Variants in TAFA5 observed in about 807,000 individuals in gnomAD.
The protein encoded by TAFA5 is TAFA chemokine like family member 5, also known as chemokine-like protein TAFA-5.
Under a neutral mutation model 15.3 loss-of-function variants are expected in TAFA5, and 6 were observed. That is an observed-to-expected ratio of 0.39 (90% CI 0.21 to 0.77). TAFA5 has a LOEUF of 0.77. Ranked by LOEUF, TAFA5 falls within the 30% of genes least tolerant of loss-of-function variation. The pLI, the probability that TAFA5 is intolerant of heterozygous loss-of-function variation, is 0.41. For synonymous variants in TAFA5, 103 were observed against 80.7 expected (o/e 1.28, Z -1.48); for missense variants, 161 against 193.1 (o/e 0.83, Z 0.98).
rs142646897 is a variant in TAFA5 at position 48,569,240 on chromosome 22, G to A, written c.113-77357G>A. Among the ~76,000 whole-genome samples, 17 of 152,344 alleles carry A rather than the reference G, an allele frequency of 1.1e-4. No homozygotes were observed. The East Asian group carries it at 2.9e-3, about 26-fold the overall frequency. ...GGGAGGACGATGGATGCAGGGCCAC[G>A]GGCCGTGGATACTCAGACTAAAGCT... On this transcript the variant is annotated intron_variant, in intron 1 of 3. Transcript: ENST00000402357.
chr22:48,684,905 A>G (rs1928307013), intron 2 of TAFA5, among the ~76,000 whole-genome samples: 1 of 152,224 alleles, frequency 6.6e-6, no homozygotes, highest in Non-Finnish European at 1.5e-5. Context: ...TTGACCAAGA[A>G]GCCAAACTCT....
chr22:48,637,404 G>C (rs12484933), intron 1 of TAFA5, among the ~76,000 whole-genome samples: 8,019 of 152,250 alleles, frequency 0.053, 294 homozygotes, highest in Admixed American at 0.11. Context: ...GTTCGAAAGC[G>C]GTTCCTGCTA....
At chr22:48,677,543 A>G (rs1400821379) in intron 2 of TAFA5, among the ~76,000 whole-genome samples, 1 of 152,214 alleles carries the variant, frequency 6.6e-6, no homozygotes, top group Non-Finnish European at 1.5e-5. Context: ...TAGACCCAGC[A>G]GCAACGTGGG....
At chr22:48,587,007 A>ACC (rs1924386155) in intron 1 of TAFA5, among the ~76,000 whole-genome samples, 2 of 151,830 alleles carry the variant, frequency 1.3e-5, no homozygotes, top group African/African-American at 4.8e-5. Context: ...GCCTCCACCG[A>ACC]CCCCCTGTCC....
chr22:48,579,323 C>T (rs1176266598), intron 1 of TAFA5, among the ~76,000 whole-genome samples: 2 of 152,218 alleles, frequency 1.3e-5, no homozygotes, highest in East Asian at 3.9e-4. Flanking sequence ...GCGTGGGGTC[C>T]GGCACTGGGG....
At chr22:48,556,275 C>T (rs1923035648) in intron 1 of TAFA5, among the ~76,000 whole-genome samples, 3 of 152,170 alleles carry the variant, frequency 2.0e-5, no homozygotes. Flanking sequence ...CCCCTGTGGT[C>T]AGCCCCTCCT....
chr22:48,659,427 AG>A (rs1489026127), intron 2 of TAFA5, among the ~76,000 whole-genome samples: 2 of 152,228 alleles, frequency 1.3e-5, no homozygotes, highest in East Asian at 1.9e-4. Flanking sequence ...CATTCTCCTC[AG>A]GGGGTCCAGA....
At chr22:48,654,443 G>A (rs969267463) in intron 2 of TAFA5, among the ~76,000 whole-genome samples, 11 of 152,302 alleles carry the variant, frequency 7.2e-5, no homozygotes, top group African/African-American at 2.2e-4. Flanking sequence ...TGAACCCACC[G>A]TCACTCCTTC....
At chr22:48,635,572 C>G (rs1926416254) in intron 1 of TAFA5, among the ~76,000 whole-genome samples, 1 of 152,234 alleles carries the variant, frequency 6.6e-6, no homozygotes, top group Non-Finnish European at 1.5e-5. Flanking sequence ...CTGTCTGGAG[C>G]CCTCCATCCC....
intron 2 of TAFA5, among the ~76,000 whole-genome samples, chr22:48,689,010 AAGAGAG>A (rs201953056): frequency 8.5e-6 from 1 of 118,288 alleles, no homozygotes; most frequent in African/African-American, 5.1e-5. Flanking sequence ...AAAAAAAAAA[AAGAGAG>A]AGAAAACCTT....
intron 3 of TAFA5, among the ~76,000 whole-genome samples, chr22:48,730,160 G>T (rs745877127): frequency 5.9e-5 from 9 of 152,188 alleles, no homozygotes; most frequent in Non-Finnish European, 1.0e-4. Flanking sequence ...CGAGGTGGGC[G>T]AATCATGAGG....
intron 1 of TAFA5, among the ~76,000 whole-genome samples, chr22:48,549,480 C>T (rs1922788548): frequency 6.6e-6 from 1 of 152,294 alleles, no homozygotes; most frequent in South Asian, 2.1e-4. Flanking sequence ...GAAAGTGGCC[C>T]TAATTTGAAT....
chr22:48,673,419 C>G (rs534826256), intron 2 of TAFA5, among the ~76,000 whole-genome samples: 38 of 152,210 alleles, frequency 2.5e-4, no homozygotes, highest in Non-Finnish European at 4.6e-4. Flanking sequence ...TCGTCGCTTT[C>G]TGGACAACAG....
chr22:48,567,864 G>A (rs1334693233), intron 1 of TAFA5, among the ~76,000 whole-genome samples: 1 of 152,196 alleles, frequency 6.6e-6, no homozygotes, highest in Non-Finnish European at 1.5e-5. Context: ...CCTGGCTGAG[G>A]CTCAGCCCAT....
intron 2 of TAFA5, among the ~76,000 whole-genome samples, chr22:48,692,307 C>T (rs1928568740): frequency 6.6e-6 from 1 of 152,226 alleles, no homozygotes; most frequent in Admixed American, 6.5e-5. Context: ...AGCCCTGGGC[C>T]CCTCCCTCCT....
At chr22:48,701,737 G>A (rs183693758) in intron 2 of TAFA5, among the ~76,000 whole-genome samples, 1 of 152,152 alleles carries the variant, frequency 6.6e-6, no homozygotes, top group Non-Finnish European at 1.5e-5. Context: ...CTGTTTGCAG[G>A]GTCACCAGGC....
intron 1 of TAFA5, among the ~76,000 whole-genome samples, chr22:48,618,751 T>G (rs1030771740): frequency 2.6e-5 from 4 of 152,236 alleles, no homozygotes; most frequent in African/African-American, 7.2e-5. Flanking sequence ...CAGGTGGCTT[T>G]CGTGGCCCAT....
chr22:48,626,710 G>A (rs1230283949), intron 1 of TAFA5, among the ~76,000 whole-genome samples: 2 of 152,152 alleles, frequency 1.3e-5, no homozygotes, highest in African/African-American at 4.8e-5. Context: ...TTTATCAAAT[G>A]GTTTTCTTTC....
At chr22:48,724,975 G>A (rs1203344420) in intron 3 of TAFA5, among the ~76,000 whole-genome samples, 4 of 152,232 alleles carry the variant, frequency 2.6e-5, no homozygotes, top group Non-Finnish European at 5.9e-5. Context: ...AAGCAAGAGG[G>A]CCAGGGGCGC....
Sources: gnomAD v4.1 joint callset for allele counts (sites outside exome capture counted in the v4.1 genomes callset) on GRCh38, gnomAD v4.1.1 for gene constraint, MANE v1.5 for transcripts, NCBI Gene and HGNC (gene_info 2026-07-23, HGNC 2026-07-21) for gene names.